The following OR3A2 variants were observed in gnomAD, a reference collection of about 807,000 sequenced individuals.
OR3A2 encodes olfactory receptor family 3 subfamily A member 2.
For synonymous variants in OR3A2, 126 were observed against 159.3 expected, an observed-to-expected ratio of 0.79 and a Z score of 1.57; for missense variants, 318 against 392.8, an observed-to-expected ratio of 0.81 and a Z score of 1.61.
At chr17:3,334,868 T>G (rs2049266208) in intron 3 of OR3A2, among the ~76,000 whole-genome samples, 1 of 152,218 alleles carries the variant, frequency 6.6e-6, no homozygotes, top group African/African-American at 2.4e-5. Context: ...GTTTTTTAAC[T>G]ATTGTGAAGT....
At chr17:3,351,923 G>A (rs550105468) in intron 2 of OR3A2, among the ~76,000 whole-genome samples, 1 of 152,102 alleles carries the variant, frequency 6.6e-6, no homozygotes, top group African/African-American at 2.4e-5. Context: ...AGAAAACCAA[G>A]CAATGGGGAA....
At chr17:3,326,755 C>A (rs1450920639) in intron 3 of OR3A2, among the ~76,000 whole-genome samples, 1 of 137,060 alleles carries the variant, frequency 7.3e-6, no homozygotes, top group African/African-American at 2.8e-5. Flanking sequence ...TTCCTGTGTC[C>A]ATGTGATCTC....
intron 2 of OR3A2, among the ~76,000 whole-genome samples, chr17:3,363,422 G>A (rs1216147057): frequency 6.6e-6 from 1 of 151,746 alleles, no homozygotes; most frequent in Non-Finnish European, 1.5e-5. Context: ...CATAGCAAGA[G>A]TAACCTTTAC....
At chr17:3,385,508 T>G (rs1258717850) in intron 1 of OR3A2, among the ~76,000 whole-genome samples, 3 of 152,120 alleles carry the variant, frequency 2.0e-5, no homozygotes, top group African/African-American at 7.2e-5. Context: ...GAGTTTTGAG[T>G]GCTTATTATA....
At chr17:3,381,429 C>A (rs1357668214) in intron 2 of OR3A2, among the ~76,000 whole-genome samples, 1 of 152,014 alleles carries the variant, frequency 6.6e-6, no homozygotes, top group Admixed American at 6.5e-5. Context: ...CTGACCTGGG[C>A]CTGAGGAAAG....
chr17:3,326,649 C>A (rs2049176817), intron 3 of OR3A2, among the ~76,000 whole-genome samples: 1 of 149,246 alleles, frequency 6.7e-6, no homozygotes, highest in South Asian at 2.1e-4. Flanking sequence ...GTGTGCTGCA[C>A]CCACTAACTC....
chr17:3,378,727 C>T (rs935733625), intron 2 of OR3A2, among the ~76,000 whole-genome samples: 4 of 152,180 alleles, frequency 2.6e-5, no homozygotes, highest in Admixed American at 6.5e-5. Flanking sequence ...AGGTACTTCC[C>T]ACATGCCCAA....
intron 3 of OR3A2, among the ~76,000 whole-genome samples, chr17:3,329,355 T>C (rs2049208723): frequency 6.6e-6 from 1 of 150,486 alleles, no homozygotes; most frequent in African/African-American, 2.5e-5. Flanking sequence ...CTCTTTTTGG[T>C]TGGTAAACTA....
chr17:3,330,557 T>C (rs2049222490), intron 3 of OR3A2, among the ~76,000 whole-genome samples: 2 of 152,140 alleles, frequency 1.3e-5, no homozygotes, highest in South Asian at 4.1e-4. Context: ...TTGTTTTCCA[T>C]TTGCTTGGTA....
chr17:3,372,963 A>G (rs1027699525), intron 2 of OR3A2, among the ~76,000 whole-genome samples: 37 of 151,576 alleles, frequency 2.4e-4, no homozygotes, highest in African/African-American at 8.7e-4. Flanking sequence ...TCCTCTTAGC[A>G]CTACTTTTGC....
At chr17:3,352,107 T>A (rs1383904388) in intron 2 of OR3A2, among the ~76,000 whole-genome samples, 4 of 152,004 alleles carry the variant, frequency 2.6e-5, no homozygotes, top group Non-Finnish European at 1.5e-5. Flanking sequence ...AGGATTAGAT[T>A]TTTTTCCTAT....
At chr17:3,332,003 G>A (rs1404401273) in intron 3 of OR3A2, among the ~76,000 whole-genome samples, 4 of 152,018 alleles carry the variant, frequency 2.6e-5, no homozygotes, top group African/African-American at 9.7e-5. Flanking sequence ...CCCTGCTGGG[G>A]GGTGCCTCCC....
chr17:3,293,436 C>T (rs1249380053), intron 3 of OR3A2, among the ~76,000 whole-genome samples: 2 of 152,152 alleles, frequency 1.3e-5, no homozygotes, highest in Non-Finnish European at 2.9e-5. Flanking sequence ...AAATAATTTA[C>T]CTCCAATTCT....
intron 3 of OR3A2, among the ~76,000 whole-genome samples, chr17:3,312,660 G>A (rs1239089309): frequency 1.3e-5 from 2 of 152,102 alleles, no homozygotes; most frequent in South Asian, 2.1e-4. Context: ...AGTTTCGCTC[G>A]GTCGCCCAGG....
intron 2 of OR3A2, among the ~76,000 whole-genome samples, chr17:3,348,488 T>C (rs1343744165): frequency 6.6e-6 from 1 of 152,000 alleles, no homozygotes; most frequent in Non-Finnish European, 1.5e-5. Flanking sequence ...GAAAAAAGAA[T>C]AAAAAGAAAC....
In OR3A2 at chr17:3,292,348, C is replaced by T. The variant is rs376929342; in HGVS notation, c.-84-13195G>A. 20 of 1,614,008 alleles carry T rather than the reference C, an allele frequency of 1.2e-5. No homozygotes were observed. Among genetic ancestry groups the T allele is most frequent in the African/African-American group, 5.3e-5 (4 of 74,892 alleles). On this transcript the variant is annotated intron_variant, in intron 3 of 4. Transcript: ENST00000573491. ...CGACTCAACATTGATGGAACAGTGA[C>T]GCTGATGCACCCAACATCCAGCACT... is the stretch of plus-strand genomic sequence containing the variant.
In OR3A2 at chr17:3,372,847, A is replaced by AGGAGAGGGAGAGGGAGAG. The variant is rs762420106; in HGVS notation, c.-179+10939_-179+10956dup. On this transcript the variant is annotated intron_variant, in intron 2 of 4. Coordinates refer to the OR3A2 transcript ENST00000573491. ...GAGAGGGAGAGGGAGGAGAAGGAGA[A>AGGAGAGGGAGAGGGAGAG]GGAGAGGGAGAGGGAGAGGGAGAGG... 5.5e-3 allele frequency among the ~76,000 whole-genome samples: 355 copies of AGGAGAGGGAGAGGGAGAG among 64,834 alleles called. 2 individuals carry two copies. Among genetic ancestry groups the AGGAGAGGGAGAGGGAGAG allele is most frequent in the Middle Eastern group, 9.8e-3 (1 of 102 alleles). The allele number at this position is 64,834 out of a possible 152,430, so 42.5% of individuals were successfully genotyped here.
intron 3 of OR3A2, among the ~76,000 whole-genome samples, chr17:3,297,200 TA>T (rs2048925880): frequency 6.6e-6 from 1 of 152,210 alleles, no homozygotes; most frequent in Admixed American, 6.5e-5. Flanking sequence ...TAAAAATTCT[TA>T]AATCAACAAT....
chr17:3,318,158 A>G (rs1231241622), intron 3 of OR3A2, among the ~76,000 whole-genome samples: 1 of 152,150 alleles, frequency 6.6e-6, no homozygotes, highest in African/African-American at 2.4e-5. Flanking sequence ...AAGTTCCACA[A>G]ACAGAATCCC....
Sources: gnomAD v4.1 joint callset for allele counts (sites outside exome capture counted in the v4.1 genomes callset) on GRCh38, gnomAD v4.1.1 for gene constraint, MANE v1.5 for transcripts, NCBI Gene and HGNC (gene_info 2026-07-23, HGNC 2026-07-21) for gene names.